Variants in PIBF1 observed in about 807,000 individuals in gnomAD.
PIBF1 encodes progesterone-induced-blocking factor 1.
PIBF1 carries 90 observed loss-of-function variants against 112.5 expected under a neutral mutation model. The observed-to-expected ratio is 0.80, with a 90% CI of 0.67 to 0.95. The LOEUF is 0.95. Among genes scored for constraint, PIBF1 ranks in the 40% least tolerant of loss-of-function variants. The pLI, the probability that PIBF1 is intolerant of heterozygous loss-of-function variation, is 0.00. For missense variants in PIBF1, 915 were observed against 852.3 expected, an observed-to-expected ratio of 1.07 and a Z score of -0.92; for synonymous variants, 301 against 288.6, an observed-to-expected ratio of 1.04 and a Z score of -0.44.
chr13:72,913,981 C>T (rs2040992572), intron 12 of PIBF1, among the ~76,000 whole-genome samples: 1 of 152,034 alleles, frequency 6.6e-6, no homozygotes, highest in South Asian at 2.1e-4. Flanking sequence ...TAAAATATAC[C>T]TTGTCCTTAT....
In PIBF1 at chr13:72,980,044, T is replaced by C. The variant is rs749574586; in HGVS notation, c.2049+6369T>C. On this transcript the variant is annotated intron_variant, in intron 16 of 17. Coordinates refer to ENST00000326291, the MANE Select transcript of PIBF1 (RefSeq NM_006346.4). ...TGCCTAGGTTTTTGGCTTGTGTCTT[T>C]AGTGGTGCTACAAAGAACCTAGAAG... Among the ~76,000 whole-genome samples the C allele has an allele frequency of 3.9e-4, 60 of 152,146 alleles. 1 individual carries two copies. The highest frequency in any genetic ancestry group is 1.2e-4 in the Non-Finnish European group (8 of 68,028).
At position 72,908,643 on chromosome 13, in the gene PIBF1, A is replaced by G. The variant is rs1159991689; in HGVS notation, c.1601A>G (p.Glu534Gly). The G allele has an allele frequency of 6.2e-7, 1 of 1,612,658 alleles. No individual in the cohort carries two copies. The highest frequency in any genetic ancestry group is 8.5e-7 in the Non-Finnish European group (1 of 1,179,090). Residue 534 changes from glutamate (E) to glycine (G), a missense_variant, in exon 12 of 18, where the codon GAA becomes GGA. Glu to Gly is a moderately conservative substitution (Grantham distance 98). Transcript: ENST00000326291. ...AGGCTAGACATTTATGAGAAACTGG[A>G]AAAAGAGCTTGATGAAATAATAATG... ...QARLDIYEKLEKELDEIIMQT... is the reference protein window; with the variant it reads ...QARLDIYEKLGKELDEIIMQT...
At chr13:72,958,315 A>C (rs2042507253) in intron 14 of PIBF1, among the ~76,000 whole-genome samples, 2 of 150,512 alleles carry the variant, frequency 1.3e-5, no homozygotes, top group African/African-American at 4.9e-5. Context: ...ATCTCAAAAA[A>C]AAAAAAAAAA....
chr13:72,782,524 A>G (rs138478412), intron 1 of PIBF1, among the ~76,000 whole-genome samples, 175 bp downstream of exon 1: 55 of 152,122 alleles, frequency 3.6e-4, no homozygotes, highest in African/African-American at 1.3e-3. Context: ...TTTCCCTTCA[A>G]AAAGAAGGAG....
intron 16 of PIBF1, among the ~76,000 whole-genome samples, chr13:72,983,476 A>G (rs1486390040): frequency 1.3e-5 from 2 of 152,156 alleles, no homozygotes; most frequent in South Asian, 2.1e-4. Context: ...TTACCTGAAC[A>G]TTGGACTAAT....
chr13:72,783,507 A>G lies in PIBF1; in HGVS notation c.38A>G (p.Asn13Ser), dbSNP rs781616914. The change falls in exon 2 of 18, where the codon AAC becomes AGC. Residue 13 changes from asparagine to serine, a missense_variant. Transcript: ENST00000326291. Reference sequence around the variant, plus strand: ...ATTTCAAAGGAGTCAAAAAAAGTGAACATCTCTAGTTCTCTGGAATCTGAA... The same window carrying G: ...ATTTCAAAGGAGTCAAAAAAAGTGAGCATCTCTAGTTCTCTGGAATCTGAA... ...RKISKESKKV[N>S]ISSSLESEDI... 1 of 1,608,054 alleles carries G rather than the reference A, an allele frequency of 6.2e-7. No individual in the cohort carries two copies. The highest frequency in any genetic ancestry group is 8.5e-7 in the Non-Finnish European group (1 of 1,176,906).
intron 15 of PIBF1, among the ~76,000 whole-genome samples, chr13:72,971,259 G>A (rs1255042014): frequency 6.6e-6 from 1 of 150,596 alleles, no homozygotes; most frequent in African/African-American, 2.4e-5. Context: ...ATATACCGTG[G>A]TTATAAGTGT....
In PIBF1 at chr13:72,958,035, A is replaced by G. The variant is rs115175893; in HGVS notation, c.1834-7239A>G. Among the ~76,000 whole-genome samples, 1,214 of 152,086 alleles carry G rather than the reference A, an allele frequency of 8.0e-3. 12 individuals carry two copies. The highest frequency in any genetic ancestry group is 0.028 in the African/African-American group (1,143 of 41,474). On this transcript the variant is annotated intron_variant, in intron 14 of 17. Transcript: ENST00000326291. ...ATAGTTTTAGCCACCTGAGAGACTGAAGTGGGAAAATCTCTTGAGCCGAGG... is the reference window on the plus strand; with the variant it reads ...ATAGTTTTAGCCACCTGAGAGACTGGAGTGGGAAAATCTCTTGAGCCGAGG...
Position 72,857,510 on chromosome 13 carries a change from A to C in PIBF1, c.1322+3355A>C, listed in dbSNP as rs188865900. ...CATGTGACTGATTTTCCCTTCTCCA[A>C]ATCAATAAGTCAACATTAAATTCAT... On this transcript the variant is annotated intron_variant, in intron 10 of 17. Coordinates refer to ENST00000326291, the MANE Select transcript of PIBF1 (RefSeq NM_006346.4). Among the ~76,000 whole-genome samples, 76 of 152,328 alleles carry C rather than the reference A, an allele frequency of 5.0e-4. No homozygotes were observed. In the Middle Eastern group the frequency reaches 0.014, roughly 27 times the overall value.
chr13:72,871,305 C>G (rs9530106), intron 10 of PIBF1, among the ~76,000 whole-genome samples: 15,603 of 152,038 alleles, frequency 0.1, 1,090 homozygotes, highest in Non-Finnish European at 0.15. Flanking sequence ...CTCTCTGTCT[C>G]TCTTTCTCTC....
intron 14 of PIBF1, among the ~76,000 whole-genome samples, chr13:72,956,654 CTCT>C (rs1257080444): frequency 7.2e-5 from 11 of 152,274 alleles, no homozygotes; most frequent in African/African-American, 2.6e-4. Flanking sequence ...ACTCTGATGG[CTCT>C]TTAGTCTATT....
chr13:72,923,044 TAG>T (rs2041353493), intron 13 of PIBF1, among the ~76,000 whole-genome samples: 1 of 152,216 alleles, frequency 6.6e-6, no homozygotes, highest in Admixed American at 6.5e-5. Flanking sequence ...GCCATGCTAG[TAG>T]AGACAGGACT....
intron 17 of PIBF1, among the ~76,000 whole-genome samples, chr13:73,004,883 A>G (rs2043984112): frequency 6.6e-6 from 1 of 152,114 alleles, no homozygotes; most frequent in Non-Finnish European, 1.5e-5. Flanking sequence ...TACCACTGAT[A>G]TGTACATTTA....
At chr13:72,830,188 G>C (rs1566326383) in intron 8 of PIBF1, among the ~76,000 whole-genome samples, 2 of 152,072 alleles carry the variant, frequency 1.3e-5, no homozygotes, top group Non-Finnish European at 2.9e-5. Flanking sequence ...GAGACAATGG[G>C]GTTTTCTAAA....
At chr13:72,853,700 G>T (rs1404078280) in intron 9 of PIBF1, among the ~76,000 whole-genome samples, 3 of 151,824 alleles carry the variant, frequency 2.0e-5, no homozygotes, top group Non-Finnish European at 2.9e-5. Flanking sequence ...ATATTTTATG[G>T]GACATTTATT....
At chr13:72,816,272 A>G (rs1200529752) in intron 5 of PIBF1, among the ~76,000 whole-genome samples, 1 of 152,264 alleles carries the variant, frequency 6.6e-6, no homozygotes, top group Non-Finnish European at 1.5e-5. Context: ...AGCAAAAAGT[A>G]GGAGAGACAG....
chr13:73,003,826 C>G (rs1594354292), intron 17 of PIBF1, among the ~76,000 whole-genome samples: 2 of 152,236 alleles, frequency 1.3e-5, no homozygotes, highest in East Asian at 3.9e-4. Context: ...CCTCCCAACT[C>G]AGCCTCCCAA....
At chr13:72,973,290 A>G (rs2042942009) in intron 15 of PIBF1, among the ~76,000 whole-genome samples, 2 of 152,064 alleles carry the variant, frequency 1.3e-5, no homozygotes, top group Non-Finnish European at 1.5e-5. Flanking sequence ...CTCTTTAAAA[A>G]AAAGAGAAAG....
chr13:72,782,509 A>T (rs1173179732), intron 1 of PIBF1, among the ~76,000 whole-genome samples, 160 bp downstream of exon 1: 1 of 151,902 alleles, frequency 6.6e-6, no homozygotes, highest in Non-Finnish European at 1.5e-5. Flanking sequence ...ACTTTTTCTT[A>T]CCTATTTCCC....
Sources: gnomAD v4.1 joint callset for allele counts (sites outside exome capture counted in the v4.1 genomes callset) on GRCh38, gnomAD v4.1.1 for gene constraint, MANE v1.5 for transcripts, NCBI Gene and HGNC (gene_info 2026-07-23, HGNC 2026-07-21) for gene names.